KCNQ1: variants seen among roughly 807,000 people sequenced by gnomAD.
The protein encoded by KCNQ1 is potassium voltage-gated channel subfamily KQT member 1.
KCNQ1 carries 49 observed loss-of-function variants against 72.4 expected under a neutral mutation model. The ratio of observed to expected loss-of-function variants is 0.68; its 90% CI spans 0.54 to 0.86. The LOEUF (loss-of-function observed/expected upper bound fraction) is 0.86. Among genes scored for constraint, KCNQ1 ranks in the 40% least tolerant of loss-of-function variants. The probability of loss-of-function intolerance (pLI) is 0.00; values close to 1 mark genes in which losing one functional copy is unlikely to be tolerated. For synonymous variants in KCNQ1, 450 were observed against 412.6 expected (o/e 1.09, Z -1.10); for missense variants, 790 against 945.1 (o/e 0.84, Z 2.15).
intron 11 of KCNQ1, among the ~76,000 whole-genome samples, chr11:2,741,226 A>T (rs1442989484): frequency 6.6e-6 from 1 of 151,908 alleles, no homozygotes; most frequent in Non-Finnish European, 1.5e-5. Flanking sequence ...AGCTGGAGGG[A>T]GTGTGAGGAC....
chr11:2,804,797 A>T (rs74602888), intron 15 of KCNQ1, among the ~76,000 whole-genome samples: 4,861 of 152,180 alleles, frequency 0.032, 251 homozygotes, highest in African/African-American at 0.11. Context: ...TGCTGGAAAT[A>T]TGTGTCCCCA....
chr11:2,610,059 C>T, intron 10 of KCNQ1: 1 of 397,760 alleles, frequency 2.5e-6, no homozygotes, highest in Non-Finnish European at 4.4e-6. Context: ...TACTTTTGGT[C>T]TTTTCTATGT....
At chr11:2,837,414 G>A (rs1848094030) in intron 15 of KCNQ1, among the ~76,000 whole-genome samples, 1 of 152,170 alleles carries the variant, frequency 6.6e-6, no homozygotes, top group Admixed American at 6.5e-5. Context: ...TCCGTTCCCA[G>A]ACACGCCCGG....
chr11:2,539,505 C>T (rs949265874), intron 2 of KCNQ1, among the ~76,000 whole-genome samples: 1 of 152,190 alleles, frequency 6.6e-6, no homozygotes, highest in Non-Finnish European at 1.5e-5. Flanking sequence ...TGACCCTGTG[C>T]GGACTCCACC....
chr11:2,759,561 A>G lies in KCNQ1; in HGVS notation c.1515-9283A>G, dbSNP rs1846356887. Among the ~76,000 whole-genome samples, 1 of 152,208 alleles carries G rather than the reference A, an allele frequency of 6.6e-6. No homozygotes were observed. The highest frequency in any genetic ancestry group is 1.9e-4 in the East Asian group (1 of 5,202). On this transcript the variant is annotated intron_variant, in intron 11 of 15. Transcript: ENST00000155840. The surrounding 1 kb of genome is among the most constrained non-coding windows in gnomAD (Gnocchi z 4.4). The stretch of plus-strand genomic sequence containing the variant: ...ACCTCACTGCGCGGGAGGGAGTTGC[A>G]AAGAGCGACACCCCAGCATGTGGGA...
At chr11:2,561,071 G>A (rs1285354828) in intron 2 of KCNQ1, among the ~76,000 whole-genome samples, 13 of 151,670 alleles carry the variant, frequency 8.6e-5, no homozygotes, top group East Asian at 1.9e-4. Context: ...GCGAGGTGGC[G>A]GGCGCCTGTA....
chr11:2,448,117 T>C (rs1309284722), intron 1 of KCNQ1, among the ~76,000 whole-genome samples: 1 of 152,248 alleles, frequency 6.6e-6, no homozygotes, highest in East Asian at 1.9e-4. Flanking sequence ...ACAGCCCTGC[T>C]GCACCCAGCG....
At chr11:2,465,786 G>A (rs1322991094) in intron 1 of KCNQ1, among the ~76,000 whole-genome samples, 3 of 152,234 alleles carry the variant, frequency 2.0e-5, no homozygotes, top group African/African-American at 4.8e-5. Context: ...GGCAGGCTGG[G>A]AACAATGAAT....
chr11:2,501,779 T>C (rs1350778542), intron 1 of KCNQ1, among the ~76,000 whole-genome samples: 1 of 140,594 alleles, frequency 7.1e-6, no homozygotes. Flanking sequence ...TGATAAATAT[T>C]GATGCAAAAA....
intron 15 of KCNQ1, among the ~76,000 whole-genome samples, chr11:2,846,933 G>A (rs745890979): frequency 1.3e-5 from 2 of 152,244 alleles, no homozygotes; most frequent in African/African-American, 2.4e-5. Flanking sequence ...ATAGCTCACT[G>A]CAGAACCAGC....
At position 2,664,010 on chromosome 11, in the gene KCNQ1, A is replaced by G. The variant is rs1479626206; in HGVS notation, c.1514+1929A>G. On this transcript the variant is annotated intron_variant, in intron 11 of 15. Coordinates refer to ENST00000155840, the MANE Select transcript of KCNQ1 (RefSeq NM_000218.3). The surrounding 1 kb of genome is among the most constrained non-coding windows in gnomAD (Gnocchi z 5.1). Reference sequence around the variant, plus strand: ...CTGCCCACTTTGGGTCTGGCACATTACCATTCTGCAAGATCCTGCAGCCTT... The same window carrying G: ...CTGCCCACTTTGGGTCTGGCACATTGCCATTCTGCAAGATCCTGCAGCCTT... 5.0e-6 allele frequency: 2 copies of G among 398,512 alleles called. No individual in the cohort carries two copies. The highest frequency in any genetic ancestry group is 8.8e-6 in the Non-Finnish European group (2 of 226,122). 24.7% of individuals were successfully genotyped at this position (398,512 alleles called of 1,614,324 possible).
rs150353402 is a variant in KCNQ1, at chr11:2,831,978, G to A, written c.1795-15789G>A. On this transcript the variant is annotated intron_variant, in intron 15 of 15. Transcript: ENST00000155840. ...AAAGGAGGCCCTGCCCGTGTACCAG[G>A]AGCCTCTGCTCCAGGGGGGTGGCCT... Among the ~76,000 whole-genome samples, 1,093 of 152,186 alleles carry A rather than the reference G, an allele frequency of 7.2e-3. 8 individuals carry two copies. Among genetic ancestry groups the A allele is most frequent in the Middle Eastern group, 0.024 (7 of 294 alleles).
chr11:2,556,124 C>T (rs1418062083), intron 2 of KCNQ1, among the ~76,000 whole-genome samples: 8 of 152,144 alleles, frequency 5.3e-5, no homozygotes, highest in Middle Eastern at 3.2e-3. Context: ...GGTTCCCGGT[C>T]GACGCATCGC....
intron 10 of KCNQ1, chr11:2,640,607 T>C: frequency 2.5e-6 from 1 of 398,194 alleles, no homozygotes; most frequent in Non-Finnish European, 4.4e-6. Flanking sequence ...ATGGGGTACA[T>C]GTGCTATTGT....
chr11:2,477,080 A>G lies in KCNQ1; in HGVS notation c.386+31596A>G, dbSNP rs1296914700. 6.6e-6 allele frequency among the ~76,000 whole-genome samples: 1 copy of G among 152,234 alleles called. No homozygotes were observed. The highest frequency in any genetic ancestry group is 2.4e-5 in the African/African-American group (1 of 41,458). On this transcript the variant is annotated intron_variant, in intron 1 of 15. Coordinates refer to ENST00000155840, the MANE Select transcript of KCNQ1 (RefSeq NM_000218.3). This position sits in a 1 kb window ranked among gnomAD's most constrained non-coding sequence, Gnocchi z 5.0. ...GCTTATTCTTTGGGAAAAAATGTTA[A>G]GTCAAAATTAGGAAGAAGTGGAGAC...
rs181207931 is a variant in KCNQ1 at position 2,475,291 on chromosome 11, G to A, written c.386+29807G>A. Among the ~76,000 whole-genome samples the A allele has an allele frequency of 3.3e-5, 5 of 152,122 alleles. No individual in the cohort carries two copies. In the East Asian group the frequency reaches 9.7e-4, roughly 29 times the overall value. ...ACCGAGCGTCCTGTCTTCACTGTCC[G>A]CCGTGTTATAACACGCAAGGGAATT... On this transcript the variant is annotated intron_variant, in intron 1 of 15. Coordinates refer to ENST00000155840, the MANE Select transcript of KCNQ1 (RefSeq NM_000218.3). This position sits in a 1 kb window ranked among gnomAD's most constrained non-coding sequence, Gnocchi z 5.8.
At chr11:2,777,279 C>T (rs1284433341) in intron 14 of KCNQ1, among the ~76,000 whole-genome samples, 5 of 147,298 alleles carry the variant, frequency 3.4e-5, no homozygotes, top group African/African-American at 7.4e-5. Context: ...AATTCCAGGG[C>T]GTTGAGGTTA....
At chr11:2,718,600 G>A (rs763355137) in intron 11 of KCNQ1, among the ~76,000 whole-genome samples, 2 of 152,190 alleles carry the variant, frequency 1.3e-5, no homozygotes, top group Non-Finnish European at 2.9e-5. Context: ...TGCATGGCCT[G>A]GACTGTCCAG....
intron 2 of KCNQ1, among the ~76,000 whole-genome samples, chr11:2,560,934 C>G: frequency 6.6e-6 from 1 of 152,102 alleles, no homozygotes; most frequent in East Asian, 1.9e-4. Context: ...CAGATAGGAA[C>G]TCCCAGGCCT....
Sources: allele counts gnomAD v4.1 joint callset (sites outside exome capture counted in the v4.1 genomes callset), GRCh38; gene constraint gnomAD v4.1.1; non-coding constraint Gnocchi (gnomAD v3.1); transcripts MANE v1.5; gene names NCBI Gene and HGNC (gene_info 2026-07-23, HGNC 2026-07-21).